Variants in TRIM9 observed in about 807,000 individuals in gnomAD.
TRIM9 encodes the protein tripartite motif containing 9.
Under a neutral mutation model 78.3 loss-of-function variants are expected in TRIM9, and 26 were observed. The observed-to-expected ratio is 0.33, with a 90% CI of 0.24 to 0.46. The LOEUF is 0.46. Among genes scored for constraint, TRIM9 ranks in the 20% least tolerant of loss-of-function variants. TRIM9 has a pLI of 1.00. For missense variants in TRIM9, 787 were observed against 1,036.4 expected, an observed-to-expected ratio of 0.76 and a Z score of 3.30; for synonymous variants, 398 against 416.5, an observed-to-expected ratio of 0.96 and a Z score of 0.54.
chr14:51,067,109 A>C (rs1160403638), intron 1 of TRIM9, among the ~76,000 whole-genome samples: 2 of 152,166 alleles, frequency 1.3e-5, no homozygotes, highest in Non-Finnish European at 2.9e-5. Flanking sequence ...GTCTATGAGC[A>C]CCTCAAATTT....
chr14:51,009,759 C>T (rs755436963), intron 4 of TRIM9, among the ~76,000 whole-genome samples: 16 of 152,178 alleles, frequency 1.1e-4, no homozygotes, highest in East Asian at 1.9e-4. Context: ...TATATTCAAT[C>T]GCTTTCTGTC....
At chr14:51,032,452 C>A (rs1206991979) in intron 1 of TRIM9, among the ~76,000 whole-genome samples, 2 of 152,252 alleles carry the variant, frequency 1.3e-5, no homozygotes, top group African/African-American at 4.8e-5. Flanking sequence ...AACTGCCTTA[C>A]TGAAAGCTAT....
At chr14:51,060,665 C>T (rs1044700566) in intron 1 of TRIM9, among the ~76,000 whole-genome samples, 3 of 152,126 alleles carry the variant, frequency 2.0e-5, no homozygotes, top group African/African-American at 4.8e-5. Context: ...AACGGGGTTT[C>T]GCCGTGTTAG....
chr14:51,030,582 ATATGGTGTGTGTGTGTATGAGTGTG>A (rs1362958887), intron 1 of TRIM9, among the ~76,000 whole-genome samples: 15 of 151,068 alleles, frequency 9.9e-5, no homozygotes, highest in Non-Finnish European at 1.6e-4. Flanking sequence ...ATGAGTGTGC[ATATGGTGTGTGTGTGTATGAGTGTG>A]CATATGCCTG....
intron 1 of TRIM9, among the ~76,000 whole-genome samples, chr14:51,039,871 T>C (rs2059444844): frequency 6.6e-6 from 1 of 152,012 alleles, no homozygotes; most frequent in Non-Finnish European, 1.5e-5. Context: ...CTTAGCCTCC[T>C]GAGTAGCTGG....
In TRIM9 at chr14:50,985,957, C is replaced by T. The variant is rs765417560; in HGVS notation, c.1791G>A (p.Pro597=). 3 of 1,528,260 alleles carry T rather than the reference C, an allele frequency of 2.0e-6. No individual in the cohort carries two copies. The South Asian group carries it at 3.8e-5, about 19-fold the overall frequency. 94.7% of individuals were successfully genotyped at this position (1,528,260 alleles called of 1,614,324 possible). A position where few individuals can be genotyped will look rare whatever the true frequency, so the allele number is the denominator to read the frequency against. ...AAAGGTCTGAGGAGCTCAGCTCACC[C>T]GGTGCATTGAGAGACTGTAAAGAGG... The part of the protein sequence containing the change: ...LHSSLQSLNA[P]GCNFETQSAP... Residue 597 remains proline (P), a splice_region_variant and synonymous_variant, in exon 8 of 13, where the codon CCG becomes CCA. Coordinates refer to ENST00000684578, the MANE Select transcript of TRIM9 (RefSeq NM_001387360.1).
At chr14:51,013,282 A>C (rs2139665620) in intron 3 of TRIM9, among the ~76,000 whole-genome samples, 1 of 152,002 alleles carries the variant, frequency 6.6e-6, no homozygotes, top group South Asian at 2.1e-4. Context: ...ACTTATTAAA[A>C]ACACTGCCTT....
chr14:51,031,861 C>T (rs989965806), intron 1 of TRIM9, among the ~76,000 whole-genome samples: 3 of 152,172 alleles, frequency 2.0e-5, no homozygotes, highest in Non-Finnish European at 4.4e-5. Context: ...ACCAAGGATA[C>T]AAATTCCTCC....
rs779026735 is a variant in TRIM9, at chr14:50,982,150, G to C, written c.1859-47C>G. 8 of 1,597,130 alleles carry C rather than the reference G, an allele frequency of 5.0e-6. No homozygotes were observed. In the African/African-American group the frequency reaches 9.4e-5, roughly 19 times the overall value. On this transcript the variant is annotated intron_variant, in intron 10 of 12. Coordinates refer to ENST00000684578, the MANE Select transcript of TRIM9 (RefSeq NM_001387360.1). ...CAGGTTATTAAGACAGACCCAACAA[G>C]CTCAGCACCATAACATACTCCTGGG...
rs1474169518 is a variant in TRIM9 at position 51,022,868 on chromosome 14, G to A, written c.1008C>T (p.Ala336=). The A allele has an allele frequency of 2.5e-6, 4 of 1,614,050 alleles. No homozygotes were observed. The African/African-American group carries it at 5.3e-5, about 22-fold the overall frequency. Reference sequence around the variant, plus strand: ...TGTGCTCATGCTCCTTGTTGACGCGGGCCAGCAGCTGGGCTTTTCTTCTGT... The same window carrying A: ...TGTGCTCATGCTCCTTGTTGACGCGAGCCAGCAGCTGGGCTTTTCTTCTGT... ...ALNRRKAQLL[A]RVNKEHEHKL... The change falls in exon 3 of 13, where the codon GCC becomes GCT. Residue 336 remains alanine, a synonymous_variant. Coordinates refer to ENST00000684578, the MANE Select transcript of TRIM9 (RefSeq NM_001387360.1).
chr14:51,082,952 A>G (rs768960517), intron 1 of TRIM9, among the ~76,000 whole-genome samples: 2 of 152,186 alleles, frequency 1.3e-5, no homozygotes, highest in Non-Finnish European at 2.9e-5. Flanking sequence ...GGCACTTGTG[A>G]ACTGTGACTT....
intron 7 of TRIM9, among the ~76,000 whole-genome samples, chr14:50,992,675 A>G (rs1413987455): frequency 6.6e-6 from 1 of 152,206 alleles, no homozygotes; most frequent in Non-Finnish European, 1.5e-5. Flanking sequence ...AGACAAATGG[A>G]AGCATAAGTT....
At chr14:51,093,604 C>G (rs112256149) in intron 1 of TRIM9, among the ~76,000 whole-genome samples, 1,574 of 152,346 alleles carry the variant, frequency 0.01, 12 homozygotes, top group South Asian at 0.049. Context: ...CAGTATTCCG[C>G]CTGCGGCGTC....
chr14:51,037,639 G>A (rs756266130), intron 1 of TRIM9, among the ~76,000 whole-genome samples: 3 of 151,298 alleles, frequency 2.0e-5, no homozygotes, highest in Non-Finnish European at 2.9e-5. Flanking sequence ...AATTTCATTT[G>A]GAAATTATTA....
intron 1 of TRIM9, among the ~76,000 whole-genome samples, chr14:51,070,267 A>G (rs1331406398): frequency 1.3e-5 from 2 of 152,216 alleles, no homozygotes; most frequent in Admixed American, 1.3e-4. Context: ...TGTGAGTTCA[A>G]TGGTAATGAA....
intron 10 of TRIM9, 104 bp from the exon 11 acceptor site, chr14:50,982,207 C>A: frequency 7.2e-7 from 1 of 1,397,212 alleles, no homozygotes. Flanking sequence ...CGTTTTCATG[C>A]TGCCATGCAG....
chr14:51,004,315 C>G (rs17123411), intron 5 of TRIM9, among the ~76,000 whole-genome samples: 49,850 of 152,112 alleles, frequency 0.33, 9,011 homozygotes, highest in South Asian at 0.55. Context: ...TTGAAGAGGT[C>G]TGGCGGAGCT....
chr14:51,026,872 G>C (rs1209875691), intron 1 of TRIM9, among the ~76,000 whole-genome samples: 1 of 152,126 alleles, frequency 6.6e-6, no homozygotes, highest in Non-Finnish European at 1.5e-5. Flanking sequence ...CTTTGTAGTT[G>C]GGTTATTGTG....
chr14:51,086,590 A>AT (rs1289070255), intron 1 of TRIM9, among the ~76,000 whole-genome samples: 1 of 152,240 alleles, frequency 6.6e-6, no homozygotes, highest in Non-Finnish European at 1.5e-5. Flanking sequence ...GATAGATAAG[A>AT]AACAGTCTAT....
Sources: allele counts gnomAD v4.1 joint callset (sites outside exome capture counted in the v4.1 genomes callset), GRCh38; gene constraint gnomAD v4.1.1; transcripts MANE v1.5; gene names NCBI Gene and HGNC (gene_info 2026-07-23, HGNC 2026-07-21).